The following ITGA8 variants were observed in gnomAD, a reference collection of about 807,000 sequenced individuals.
ITGA8 encodes integrin subunit alpha 8.
Under a neutral mutation model 142.3 loss-of-function variants are expected in ITGA8, and 91 were observed. The observed-to-expected ratio is 0.64, with a 90% CI of 0.54 to 0.76. The LOEUF is 0.76. Among genes scored for constraint, ITGA8 ranks in the 30% least tolerant of loss-of-function variants. The probability of loss-of-function intolerance (pLI) is 0.00; values close to 1 mark genes in which losing one functional copy is unlikely to be tolerated. For synonymous variants in ITGA8, 505 were observed against 485.2 expected (o/e 1.04, Z -0.54); for missense variants, 1,406 against 1,327.7 (o/e 1.06, Z -0.92).
intron 20 of ITGA8, among the ~76,000 whole-genome samples, 164 bp downstream of exon 20, chr10:15,604,044 A>G (rs771981195): frequency 6.6e-6 from 1 of 152,096 alleles, no homozygotes; most frequent in African/African-American, 2.4e-5. Context: ...GTGTAAGCCC[A>G]CCCCTGCTTT....
intron 8 of ITGA8, among the ~76,000 whole-genome samples, chr10:15,670,395 A>T (rs753406963): frequency 7.2e-5 from 11 of 152,190 alleles, no homozygotes; most frequent in Non-Finnish European, 1.3e-4. Context: ...AGAACCAGAG[A>T]GGTTGTCATA....
At chr10:15,687,827 G>T in intron 3 of ITGA8, 111 bp downstream of exon 3, 1 of 655,728 alleles carries the variant, frequency 1.5e-6, no homozygotes, top group Non-Finnish European at 2.8e-6. Flanking sequence ...CCTTATCGTT[G>T]AAAGTCTAAC....
chr10:15,535,923 A>G (rs561517098), intron 27 of ITGA8, among the ~76,000 whole-genome samples: 2 of 152,036 alleles, frequency 1.3e-5, no homozygotes, highest in African/African-American at 4.8e-5. Flanking sequence ...TCACTCCTGA[A>G]GCCAACCAGA....
intron 20 of ITGA8, 78 bp from the exon 21 acceptor site, chr10:15,597,377 G>T: frequency 8.7e-7 from 1 of 1,143,404 alleles, no homozygotes. Flanking sequence ...GGGGGCCTGG[G>T]AGCTCCCCTG....
At chr10:15,681,346 C>A (rs1276498163) in intron 4 of ITGA8, among the ~76,000 whole-genome samples, 1 of 152,086 alleles carries the variant, frequency 6.6e-6, no homozygotes. Context: ...AAGAAGTACC[C>A]GTAGGAATAG....
intron 2 of ITGA8, among the ~76,000 whole-genome samples, chr10:15,708,484 C>A (rs765609205): frequency 6.6e-6 from 1 of 152,104 alleles, no homozygotes; most frequent in Non-Finnish European, 1.5e-5. Context: ...CAAAAACATC[C>A]TCTCCTTGCC....
chr10:15,603,693 C>T (rs192221995), intron 20 of ITGA8, among the ~76,000 whole-genome samples: 34 of 152,226 alleles, frequency 2.2e-4, no homozygotes, highest in African/African-American at 7.7e-4. Context: ...CCAGGCTGTT[C>T]CTGGTCATAA....
chr10:15,696,904 A>T (rs1272925110), intron 2 of ITGA8, among the ~76,000 whole-genome samples: 1 of 151,312 alleles, frequency 6.6e-6, no homozygotes, highest in African/African-American at 2.4e-5. Flanking sequence ...ATAGTAGCCC[A>T]TGCCTGAGGT....
chr10:15,530,621 T>C (rs1454594573), intron 28 of ITGA8, among the ~76,000 whole-genome samples: 1 of 146,446 alleles, frequency 6.8e-6, no homozygotes, highest in African/African-American at 2.5e-5. Flanking sequence ...TAGGTCAAAA[T>C]GAAGGTTCTT....
chr10:15,551,417 G>C (rs1833791606), intron 26 of ITGA8, among the ~76,000 whole-genome samples: 1 of 152,202 alleles, frequency 6.6e-6, no homozygotes, highest in Non-Finnish European at 1.5e-5. Flanking sequence ...TCAGAAATGT[G>C]ATAGTTTCAA....
In ITGA8 at chr10:15,644,099, G is replaced by A. The variant is rs1490417632; in HGVS notation, c.1330C>T (p.His444Tyr). The change falls in exon 13 of 30, where the codon CAT (histidine) becomes TAT (tyrosine). Residue 444 changes from histidine (H) to tyrosine (Y), a missense_variant. By Grantham distance (83) the His-to-Tyr change is moderately conservative. Transcript: ENST00000378076. ...SQVLQGVWASHAVPSGFGFTL... is the reference protein window; with the variant it reads ...SQVLQGVWASYAVPSGFGFTL... ...AAGCCAAATCCGGAAGGGACAGCAT[G>A]TGAGGCCCACACTCCTTGCAGAACT... 1 of 1,614,100 alleles carries A rather than the reference G, an allele frequency of 6.2e-7. No individual in the cohort carries two copies. Among genetic ancestry groups the A allele is most frequent in the Non-Finnish European group, 8.5e-7 (1 of 1,179,992 alleles).
intron 28 of ITGA8, among the ~76,000 whole-genome samples, chr10:15,529,412 T>C (rs1201356382): frequency 1.3e-5 from 2 of 152,180 alleles, no homozygotes; most frequent in African/African-American, 4.8e-5. Context: ...TAAAGTGACT[T>C]CCCAAAGGTT....
At chr10:15,717,958 C>T (rs1835484378) in intron 2 of ITGA8, among the ~76,000 whole-genome samples, 1 of 152,160 alleles carries the variant, frequency 6.6e-6, no homozygotes, top group Non-Finnish European at 1.5e-5. Flanking sequence ...TATCAAGGAC[C>T]ATTGTTCAAG....
chr10:15,527,906 CTTTTTTTTTTTTT>C (rs34758919), intron 28 of ITGA8, among the ~76,000 whole-genome samples: 4 of 78,036 alleles, frequency 5.1e-5, no homozygotes, highest in Non-Finnish European at 7.0e-5. Flanking sequence ...TTCGGCTGGG[CTTTTTTTTTTTTT>C]TTTTTTTTTT....
intron 27 of ITGA8, among the ~76,000 whole-genome samples, chr10:15,532,988 C>T (rs1833342898): frequency 6.6e-6 from 1 of 152,110 alleles, no homozygotes; most frequent in Non-Finnish European, 1.5e-5. Flanking sequence ...CTCTGTATTC[C>T]GTGACGATCA....
At chr10:15,586,520 A>C in intron 23 of ITGA8, 64 bp downstream of exon 23, 1 of 928,180 alleles carries the variant, frequency 1.1e-6, no homozygotes, top group South Asian at 1.5e-5. Context: ...CATCATTTTC[A>C]CTAGTATTTT....
At chr10:15,613,584 C>A in intron 15 of ITGA8, 76 bp downstream of exon 15, 1 of 1,070,438 alleles carries the variant, frequency 9.3e-7, no homozygotes, top group Non-Finnish European at 1.4e-6. Context: ...TTACTGAATC[C>A]AAATCTGTAT....
At chr10:15,619,914 C>T (rs1266645024) in intron 13 of ITGA8, among the ~76,000 whole-genome samples, 1 of 152,120 alleles carries the variant, frequency 6.6e-6, no homozygotes, top group Non-Finnish European at 1.5e-5. Context: ...TTCTTGGCCC[C>T]AAATAAGGTG....
intron 2 of ITGA8, among the ~76,000 whole-genome samples, chr10:15,711,224 A>G (rs1406906126): frequency 6.6e-6 from 1 of 152,224 alleles, no homozygotes; most frequent in Non-Finnish European, 1.5e-5. Context: ...TTCGGAACAT[A>G]TGATCCTTTA....
Sources: gnomAD v4.1 joint callset for allele counts (sites outside exome capture counted in the v4.1 genomes callset) on GRCh38, gnomAD v4.1.1 for gene constraint, MANE v1.5 for transcripts, NCBI Gene and HGNC (gene_info 2026-07-23, HGNC 2026-07-21) for gene names.